The following ZBTB46 variants were observed in gnomAD, a reference collection of about 807,000 sequenced individuals.
ZBTB46 encodes the protein zinc finger and BTB domain-containing protein 46.
ZBTB46 carries 8 observed loss-of-function variants against 44.1 expected under a neutral mutation model. The observed-to-expected ratio is 0.18, with a 90% confidence interval of 0.11 to 0.33. The LOEUF (loss-of-function observed/expected upper bound fraction) is 0.33. Ranked by LOEUF, ZBTB46 falls within the 10% of genes least tolerant of loss-of-function variation. ZBTB46 has a pLI of 1.00. For synonymous variants in ZBTB46, 409 were observed against 382.3 expected (o/e 1.07, Z -0.81); for missense variants, 651 against 847.7 (o/e 0.77, Z 2.88).
At chr20:63,755,993 A>T (rs1257980719) in intron 3 of ZBTB46, among the ~76,000 whole-genome samples, 1 of 152,218 alleles carries the variant, frequency 6.6e-6, no homozygotes, top group East Asian at 1.9e-4. Context: ...TGGACCCCCT[A>T]AAATAGGACA....
chr20:63,789,279 C>T (rs2092540399), intron 2 of ZBTB46, among the ~76,000 whole-genome samples: 1 of 152,236 alleles, frequency 6.6e-6, no homozygotes, highest in East Asian at 1.9e-4. Flanking sequence ...TCAAGGCAAG[C>T]TGAGCCACCA....
chr20:63,812,966 C>T (rs545827475), intron 1 of ZBTB46, among the ~76,000 whole-genome samples: 2 of 152,134 alleles, frequency 1.3e-5, no homozygotes, highest in African/African-American at 2.4e-5. Flanking sequence ...GGTGTGATGG[C>T]GCGTGCCTGT....
At chr20:63,833,264 C>T (rs1171788181), upstream of ZBTB46, among the ~76,000 whole-genome samples, 4 of 152,218 alleles carry the variant, frequency 2.6e-5, no homozygotes, top group African/African-American at 9.6e-5. Context: ...CAGGCCAACC[C>T]CACCTGCCAG....
intron 1 of ZBTB46, among the ~76,000 whole-genome samples, chr20:63,797,440 G>A (rs543732783): frequency 2.0e-5 from 3 of 152,136 alleles, no homozygotes; most frequent in Admixed American, 6.6e-5. Flanking sequence ...CTTTACTATC[G>A]TGAATAGTGC....
intron 1 of ZBTB46, among the ~76,000 whole-genome samples, chr20:63,800,837 C>T (rs968845637): frequency 6.6e-6 from 1 of 152,230 alleles, no homozygotes; most frequent in African/African-American, 2.4e-5. Context: ...CAGTGGGCTC[C>T]TGCAGAGCTT....
chr20:63,823,889 T>TGTGTGTGTGTGTGTGTGTGTGTG (rs1568910610), intron 1 of ZBTB46, among the ~76,000 whole-genome samples: 9 of 150,726 alleles, frequency 6.0e-5, no homozygotes, highest in Admixed American at 1.3e-4. Context: ...TGTGTGTGTG[T>TGTGTGTGTGTGTGTGTGTGTGTG]TCTTTGGGAC....
Position 63,825,400 on chromosome 20 carries a change from CA to C in ZBTB46, c.-34+5696del, listed in dbSNP as rs768780388. ...TGGGGGACAGAACAAGACTCCGTCT[CA>C]AAAAAAAAAAAAAAAACCCTCCCTC... On this transcript the variant is annotated intron_variant, in intron 1 of 4. Transcript: ENST00000245663. Among the ~76,000 whole-genome samples the C allele has an allele frequency of 6.8e-3, 452 of 66,804 alleles. 1 individual carries two copies. The highest frequency in any genetic ancestry group is 7.9e-3 in the Non-Finnish European group (292 of 36,766). The allele number at this position is 66,804 out of a possible 152,430, so 43.8% of individuals were successfully genotyped here.
rs1417351365 is a variant in ZBTB46 at position 63,798,685 on chromosome 20, A to AAAAAAAAAAAAAAAAAAAAC, written c.-33-7896_-33-7895insGTTTTTTTTTTTTTTTTTTT. On this transcript the variant is annotated intron_variant, in intron 1 of 4. Coordinates refer to ENST00000245663, the MANE Select transcript of ZBTB46 (RefSeq NM_001369741.1). ...GCTAGACTCTGTCTCAAAAAAAAAA[A>AAAAAAAAAAAAAAAAAAAAC]AAAAAAAATTAGCTGGGCATGGTAG... is the stretch of plus-strand genomic sequence containing the variant. Among the ~76,000 whole-genome samples, 127 of 127,934 alleles carry AAAAAAAAAAAAAAAAAAAAC rather than the reference A, an allele frequency of 9.9e-4. 3 individuals carry two copies. Among genetic ancestry groups the AAAAAAAAAAAAAAAAAAAAC allele is most frequent in the African/African-American group, 2.0e-3 (64 of 31,276 alleles). 83.9% of individuals were successfully genotyped at this position (127,934 alleles called of 152,430 possible). A position where few individuals can be genotyped will look rare whatever the true frequency, so the allele number is the denominator to read the frequency against.
chr20:63,760,997 CTCTTT>C (rs1326984508), intron 3 of ZBTB46, among the ~76,000 whole-genome samples: 1 of 114,592 alleles, frequency 8.7e-6, no homozygotes, highest in Non-Finnish European at 1.8e-5. Flanking sequence ...TCATTGATAG[CTCTTT>C]TTTTTTTTTT....
chr20:63,752,266 C>A lies in ZBTB46; in HGVS notation c.1398+420G>T, dbSNP rs186776299. On this transcript the variant is annotated intron_variant, in intron 4 of 4. Transcript: ENST00000245663. This position sits in a 1 kb window ranked among gnomAD's most constrained non-coding sequence, Gnocchi z 5.6. The stretch of plus-strand genomic sequence containing the variant: ...CATCCACTCCACACCTGCTACCTGA[C>A]AACGACCTGCCAGTGCTGAGCTCCA... 1.7e-3 allele frequency among the ~76,000 whole-genome samples: 259 copies of A among 152,018 alleles called. No individual in the cohort carries two copies. Among genetic ancestry groups the A allele is most frequent in the African/African-American group, 5.9e-3 (243 of 41,536 alleles).
intron 2 of ZBTB46, among the ~76,000 whole-genome samples, chr20:63,784,713 T>TC (rs1198132870): frequency 6.6e-6 from 1 of 152,212 alleles, no homozygotes; most frequent in African/African-American, 2.4e-5. Flanking sequence ...TAATGCTATT[T>TC]CCCACAAGCT....
At chr20:63,777,670 A>C (rs1340788713) in intron 2 of ZBTB46, among the ~76,000 whole-genome samples, 1 of 152,212 alleles carries the variant, frequency 6.6e-6, no homozygotes, top group East Asian at 1.9e-4. Flanking sequence ...TGAAGACACA[A>C]AAGCTCACAG....
In ZBTB46 at chr20:63,806,231, G is replaced by A. The variant is rs575190740; in HGVS notation, c.-33-15441C>T. 3.4e-5 allele frequency among the ~76,000 whole-genome samples: 5 copies of A among 148,326 alleles called. No homozygotes were observed. In the East Asian group the frequency reaches 8.6e-4, roughly 25 times the overall value. On this transcript the variant is annotated intron_variant, in intron 1 of 4. Coordinates refer to ENST00000245663, the MANE Select transcript of ZBTB46 (RefSeq NM_001369741.1). The stretch of plus-strand genomic sequence containing the variant: ...AACCTGGCCAACATAGTGAAACCCC[G>A]TCTCTACTAAAAGTTAAAAAAAAAA...
intron 3 of ZBTB46, among the ~76,000 whole-genome samples, chr20:63,759,118 C>A (rs1211244286): frequency 6.6e-6 from 1 of 152,142 alleles, no homozygotes; most frequent in Non-Finnish European, 1.5e-5. Context: ...TAATTTCTCC[C>A]AGCAATATTT....
intron 3 of ZBTB46, among the ~76,000 whole-genome samples, chr20:63,756,298 A>C (rs982611216): frequency 6.6e-6 from 1 of 152,230 alleles, no homozygotes. Flanking sequence ...CGTGAAGCAA[A>C]TGGACTGGCA....
chr20:63,749,339 A>AT (rs1555835826), intron 4 of ZBTB46, among the ~76,000 whole-genome samples: 5 of 117,132 alleles, frequency 4.3e-5, no homozygotes, highest in African/African-American at 1.6e-4. Context: ...GCTGTATTTT[A>AT]TTTATTTATT....
chr20:63,784,623 A>T (rs1167406495), intron 2 of ZBTB46, among the ~76,000 whole-genome samples: 1 of 152,224 alleles, frequency 6.6e-6, no homozygotes, highest in African/African-American at 2.4e-5. Flanking sequence ...CCCTCCGCAG[A>T]TGAGAAGGAG....
intron 1 of ZBTB46, among the ~76,000 whole-genome samples, chr20:63,824,702 T>G: frequency 3.5e-5 from 1 of 28,924 alleles, no homozygotes; most frequent in Non-Finnish European, 6.7e-5. Flanking sequence ...AAACCCTCCC[T>G]CCCCCATCTT....
chr20:63,802,570 C>A (rs999379369), intron 1 of ZBTB46, among the ~76,000 whole-genome samples: 15 of 152,112 alleles, frequency 9.9e-5, no homozygotes, highest in Non-Finnish European at 1.6e-4. Flanking sequence ...AGACCCCCAG[C>A]ACCCTCCCAG....
Sources: gnomAD v4.1 joint callset for allele counts (sites outside exome capture counted in the v4.1 genomes callset) on GRCh38, gnomAD v4.1.1 for gene constraint, Gnocchi (gnomAD v3.1) non-coding constraint, MANE v1.5 for transcripts, NCBI Gene and HGNC (gene_info 2026-07-23, HGNC 2026-07-21) for gene names.